Variants in SPOCK3 observed in about 807,000 individuals in gnomAD.
SPOCK3 encodes testican-3.
Under a neutral mutation model 56.6 loss-of-function variants are expected in SPOCK3, and 30 were observed. The observed-to-expected ratio is 0.53, with a 90% CI of 0.40 to 0.72. The LOEUF (loss-of-function observed/expected upper bound fraction) is 0.72, where lower values mean the gene tolerates loss of function less well. SPOCK3 is among the 30% of genes least tolerant of loss of function. SPOCK3 has a pLI of 0.00. For missense variants in SPOCK3, 527 were observed against 530.0 expected (o/e 0.99, Z 0.06); for synonymous variants, 196 against 183.3 (o/e 1.07, Z -0.56).
At chr4:166,916,535 T>C (rs913998483) in intron 4 of SPOCK3, among the ~76,000 whole-genome samples, 1 of 152,226 alleles carries the variant, frequency 6.6e-6, no homozygotes, top group African/African-American at 2.4e-5. Flanking sequence ...CTTAGTTTTC[T>C]GTTTAAGTTA....
At chr4:167,184,198 T>C (rs1469252264) in intron 2 of SPOCK3, among the ~76,000 whole-genome samples, 2 of 152,148 alleles carry the variant, frequency 1.3e-5, no homozygotes, top group Non-Finnish European at 2.9e-5. Flanking sequence ...AAAAGAATCA[T>C]CATACATGTA....
At chr4:166,780,569 C>G (rs926713127) in intron 7 of SPOCK3, among the ~76,000 whole-genome samples, 1 of 152,072 alleles carries the variant, frequency 6.6e-6, no homozygotes, top group Admixed American at 6.6e-5. Context: ...TCCTGTCACT[C>G]TCTAGATATA....
intron 6 of SPOCK3, among the ~76,000 whole-genome samples, chr4:166,828,945 T>A (rs1443021134): frequency 2.0e-5 from 3 of 152,060 alleles, no homozygotes; most frequent in Non-Finnish European, 2.9e-5. Context: ...AGAACGATGA[T>A]GCATCTACTG....
At chr4:166,829,066 C>T (rs1401771837) in intron 6 of SPOCK3, among the ~76,000 whole-genome samples, 2 of 151,928 alleles carry the variant, frequency 1.3e-5, no homozygotes, top group African/African-American at 4.8e-5. Flanking sequence ...GTGGGTCTAC[C>T]TGGTTTTTGC....
rs550738162 is a variant in SPOCK3 at position 166,918,169 on chromosome 4, G to T, written c.351-5426C>A. Among the ~76,000 whole-genome samples, 4 of 152,204 alleles carry T rather than the reference G, an allele frequency of 2.6e-5. No individual in the cohort carries two copies. The East Asian group carries it at 5.8e-4, about 22-fold the overall frequency. Reference sequence around the variant, plus strand: ...ACATTTTGCCATGGGTCTTAGCAAAGGACAGTTGCTATTAGCTGACTGCAG... The same window carrying T: ...ACATTTTGCCATGGGTCTTAGCAAATGACAGTTGCTATTAGCTGACTGCAG... On this transcript the variant is annotated intron_variant, in intron 4 of 10. Transcript: ENST00000357545.
At chr4:167,054,370 T>C (rs1427079690) in intron 3 of SPOCK3, among the ~76,000 whole-genome samples, 1 of 152,240 alleles carries the variant, frequency 6.6e-6, no homozygotes, top group African/African-American at 2.4e-5. Context: ...GTTTAAAATC[T>C]TTATCATGCT....
chr4:166,851,220 C>A (rs1255243663), intron 6 of SPOCK3, among the ~76,000 whole-genome samples: 1 of 152,188 alleles, frequency 6.6e-6, no homozygotes, highest in African/African-American at 2.4e-5. Context: ...TGACACCTCA[C>A]ACGGCCGGGT....
intron 2 of SPOCK3, among the ~76,000 whole-genome samples, chr4:167,202,705 C>G (rs7657042): frequency 0.012 from 1,869 of 151,730 alleles, 18 homozygotes; most frequent in Non-Finnish European, 0.02. Flanking sequence ...ATAAGGATCT[C>G]TTTATACTTT....
chr4:167,109,854 A>G (rs980024369), intron 2 of SPOCK3, among the ~76,000 whole-genome samples: 3 of 151,884 alleles, frequency 2.0e-5, no homozygotes, highest in Admixed American at 1.3e-4. Context: ...ATACTCCATC[A>G]TAAAATCATA....
At chr4:167,202,367 CA>C (rs779446537) in intron 2 of SPOCK3, among the ~76,000 whole-genome samples, 2 of 151,786 alleles carry the variant, frequency 1.3e-5, no homozygotes, top group Non-Finnish European at 2.9e-5. Flanking sequence ...TTTATATAGA[CA>C]TGAGAGAAAG....
chr4:167,175,890 GTATTA>G (rs1340758105), intron 2 of SPOCK3, among the ~76,000 whole-genome samples: 1 of 152,104 alleles, frequency 6.6e-6, no homozygotes, highest in Admixed American at 6.6e-5. Flanking sequence ...TTAGTGTATT[GTATTA>G]ATTTCCTATT....
chr4:166,853,881 C>CA (rs879496499), intron 6 of SPOCK3, among the ~76,000 whole-genome samples: 226 of 138,212 alleles, frequency 1.6e-3, no homozygotes, highest in Non-Finnish European at 2.0e-3. Context: ...GACTCTCTCT[C>CA]AAAAAAAAAA....
At chr4:166,860,102 T>C (rs1409312033) in intron 6 of SPOCK3, among the ~76,000 whole-genome samples, 1 of 152,160 alleles carries the variant, frequency 6.6e-6, no homozygotes, top group Non-Finnish European at 1.5e-5. Flanking sequence ...TCTGTGTTCT[T>C]ATGAATCAGG....
At chr4:166,769,370 G>C (rs12505187) in intron 7 of SPOCK3, among the ~76,000 whole-genome samples, 50,115 of 151,938 alleles carry the variant, frequency 0.33, 8,420 homozygotes, top group Admixed American at 0.42. Flanking sequence ...GTTTTGGTGT[G>C]GATGTCCTTT....
intron 2 of SPOCK3, among the ~76,000 whole-genome samples, chr4:167,129,501 CT>C (rs1762540683): frequency 6.6e-6 from 1 of 152,154 alleles, no homozygotes; most frequent in African/African-American, 2.4e-5. Context: ...CTGTTTAGTG[CT>C]TGAGCAATCT....
At chr4:166,744,308 T>G (rs1360432162) in intron 8 of SPOCK3, among the ~76,000 whole-genome samples, 1 of 152,170 alleles carries the variant, frequency 6.6e-6, no homozygotes, top group Non-Finnish European at 1.5e-5. Context: ...TATTTACTGT[T>G]CTGCAGTCTC....
intron 2 of SPOCK3, among the ~76,000 whole-genome samples, chr4:167,200,145 T>A (rs948188798): frequency 4.6e-5 from 7 of 152,074 alleles, no homozygotes; most frequent in Non-Finnish European, 8.8e-5. Flanking sequence ...TATTTTTCAA[T>A]AATCACTGCT....
At chr4:167,014,662 T>A (rs906525983) in intron 3 of SPOCK3, among the ~76,000 whole-genome samples, 6 of 151,966 alleles carry the variant, frequency 3.9e-5, no homozygotes, top group African/African-American at 1.4e-4. Flanking sequence ...TTTTAATTTT[T>A]TTTAAAGACT....
At chr4:167,115,168 T>C (rs1028435569) in intron 2 of SPOCK3, among the ~76,000 whole-genome samples, 1 of 152,054 alleles carries the variant, frequency 6.6e-6, no homozygotes, top group African/African-American at 2.4e-5. Context: ...TTCCTTGCTT[T>C]GAGAGATATT....
Sources: allele counts gnomAD v4.1 joint callset (sites outside exome capture counted in the v4.1 genomes callset), GRCh38; gene constraint gnomAD v4.1.1; transcripts MANE v1.5; gene names NCBI Gene and HGNC (gene_info 2026-07-23, HGNC 2026-07-21).